The following CHD9 variants were observed in gnomAD, a reference collection of about 807,000 sequenced individuals.
CHD9 encodes ATP-dependent chromatin remodeler CHD9.
Under a neutral mutation model 316.1 loss-of-function variants are expected in CHD9, and 77 were observed. That is an observed-to-expected ratio of 0.24 (90% CI 0.20 to 0.29). The LOEUF is 0.29. CHD9 is among the 10% of genes least tolerant of loss of function. The pLI, the probability that CHD9 is intolerant of heterozygous loss-of-function variation, is 1.00. For missense variants in CHD9, 2,763 were observed against 3,438.1 expected, an observed-to-expected ratio of 0.80 and a Z score of 4.91; for synonymous variants, 1,129 against 1,158.3, an observed-to-expected ratio of 0.97 and a Z score of 0.51.
intron 3 of CHD9, among the ~76,000 whole-genome samples, chr16:53,211,712 T>A (rs1012224358): frequency 7.0e-6 from 1 of 142,290 alleles, no homozygotes; most frequent in African/African-American, 2.6e-5. Flanking sequence ...ATTACTAAGC[T>A]GTTAGAGTAA....
chr16:53,205,833 G>C (rs1225411442), intron 2 of CHD9, among the ~76,000 whole-genome samples: 4 of 152,134 alleles, frequency 2.6e-5, no homozygotes, highest in Non-Finnish European at 4.4e-5. Flanking sequence ...TTCTCTCTCT[G>C]ATGATCCAGT....
chr16:53,244,518 C>T (rs2049397422), intron 13 of CHD9, among the ~76,000 whole-genome samples: 4 of 152,158 alleles, frequency 2.6e-5, no homozygotes, highest in South Asian at 4.1e-4. Flanking sequence ...TAGACCTTTA[C>T]GTTCTTGGAT....
At chr16:53,058,271 C>G (rs1391229014) in intron 1 of CHD9, among the ~76,000 whole-genome samples, 1 of 152,090 alleles carries the variant, frequency 6.6e-6, no homozygotes, top group Non-Finnish European at 1.5e-5. Flanking sequence ...CAGGCACATG[C>G]CACCACGCCC....
At chr16:53,211,259 A>C (rs1238650408) in intron 3 of CHD9, among the ~76,000 whole-genome samples, 1 of 152,190 alleles carries the variant, frequency 6.6e-6, no homozygotes, top group East Asian at 1.9e-4. Context: ...TACCAGAAGT[A>C]AATCTAGTTT....
At chr16:53,228,231 AAAAT>A (rs2047824402) in intron 7 of CHD9, among the ~76,000 whole-genome samples, 1 of 152,098 alleles carries the variant, frequency 6.6e-6, no homozygotes, top group Non-Finnish European at 1.5e-5. Context: ...TTGTCCTTAT[AAAAT>A]ACATTTCTAA....
At chr16:53,321,681 A>G (rs2057280546) in intron 38 of CHD9, 51 bp downstream of exon 38, 4 of 904,714 alleles carry the variant, frequency 4.4e-6, no homozygotes, top group South Asian at 4.8e-5. Flanking sequence ...ATTAGGTGCC[A>G]TTCAATTATA....
At chr16:53,083,478 T>C (rs1265991540) in intron 1 of CHD9, among the ~76,000 whole-genome samples, 2 of 152,222 alleles carry the variant, frequency 1.3e-5, no homozygotes, top group South Asian at 2.1e-4. Flanking sequence ...TTTCCCCTCT[T>C]TCTCTGCCTG....
chr16:53,075,965 T>C (rs548131839), intron 1 of CHD9, among the ~76,000 whole-genome samples: 123 of 152,312 alleles, frequency 8.1e-4, no homozygotes, highest in African/African-American at 2.8e-3. Flanking sequence ...CTTAATGGTG[T>C]GAGTGGCATC....
chr16:53,072,355 T>C (rs1035870004), intron 1 of CHD9, among the ~76,000 whole-genome samples: 5 of 151,378 alleles, frequency 3.3e-5, no homozygotes, highest in Admixed American at 2.0e-4. Context: ...CCCTGCAATA[T>C]TTTTTTCCAA....
chr16:53,266,949 T>G (rs2152999307), intron 20 of CHD9, among the ~76,000 whole-genome samples: 1 of 152,306 alleles, frequency 6.6e-6, no homozygotes, highest in East Asian at 1.9e-4. Context: ...TTATTTATTT[T>G]AAAAATTAAG....
At chr16:53,284,802 G>A (rs531577790) in intron 24 of CHD9, among the ~76,000 whole-genome samples, 1 of 152,088 alleles carries the variant, frequency 6.6e-6, no homozygotes, top group Non-Finnish European at 1.5e-5. Flanking sequence ...TCTCATTCCC[G>A]CGGCCTGGGT....
intron 1 of CHD9, among the ~76,000 whole-genome samples, chr16:53,087,927 A>G (rs879652301): frequency 7.9e-5 from 12 of 151,728 alleles, no homozygotes; most frequent in African/African-American, 2.2e-4. Context: ...CAGCCTGGGC[A>G]ACAGAGCAAG....
At chr16:53,158,142 C>T (rs1340227291) in intron 2 of CHD9, among the ~76,000 whole-genome samples, 1 of 152,002 alleles carries the variant, frequency 6.6e-6, no homozygotes, top group African/African-American at 2.4e-5. Context: ...AAATTGGTAC[C>T]TACATGGCTT....
chr16:53,132,033 C>T (rs1298606015), intron 1 of CHD9, among the ~76,000 whole-genome samples: 4 of 152,216 alleles, frequency 2.6e-5, no homozygotes, highest in Non-Finnish European at 4.4e-5. Context: ...GGGTGTCTCA[C>T]TGGCTGTCAC....
chr16:53,274,617 G>A (rs1051276483), intron 24 of CHD9, among the ~76,000 whole-genome samples: 5 of 151,824 alleles, frequency 3.3e-5, no homozygotes, highest in Admixed American at 2.0e-4. Context: ...CACCACGCCC[G>A]GCTAATTTTT....
intron 1 of CHD9, among the ~76,000 whole-genome samples, chr16:53,087,493 A>T (rs1440858411): frequency 3.3e-5 from 5 of 152,242 alleles, no homozygotes; most frequent in Admixed American, 1.3e-4. Context: ...ACTTGATTCA[A>T]ATCCTGCCTC....
At chr16:53,320,388 G>T (rs778386218) in intron 37 of CHD9, among the ~76,000 whole-genome samples, 6 of 152,010 alleles carry the variant, frequency 3.9e-5, no homozygotes, top group Non-Finnish European at 7.4e-5. Context: ...CAGGCATGGT[G>T]GTGGGCACCT....
intron 1 of CHD9, among the ~76,000 whole-genome samples, chr16:53,147,929 C>T (rs538760627): frequency 5.9e-5 from 9 of 152,130 alleles, no homozygotes; most frequent in Non-Finnish European, 1.0e-4. Flanking sequence ...TTAGGCCAGG[C>T]GCGGTGGCCC....
At chr16:53,194,864 T>C (rs750832831) in intron 2 of CHD9, among the ~76,000 whole-genome samples, 1 of 152,242 alleles carries the variant, frequency 6.6e-6, no homozygotes, top group South Asian at 2.1e-4. Context: ...TCTCTGTTAC[T>C]GTTTTCTTAA....
Sources: gnomAD v4.1 joint callset for allele counts (sites outside exome capture counted in the v4.1 genomes callset) on GRCh38, gnomAD v4.1.1 for gene constraint, MANE v1.5 for transcripts, NCBI Gene and HGNC (gene_info 2026-07-23, HGNC 2026-07-21) for gene names.